Variants in WDR59 observed in about 807,000 individuals in gnomAD.
The protein encoded by WDR59 is GATOR2 complex protein WDR59.
A neutral mutation model predicts 131.2 loss-of-function variants in WDR59; 100 were observed. The observed-to-expected ratio is 0.76, with a 90% CI of 0.65 to 0.90. The LOEUF (loss-of-function observed/expected upper bound fraction) is 0.90. WDR59 is among the 40% of genes least tolerant of loss of function. WDR59 has a pLI of 0.00. For missense variants in WDR59, 1,203 were observed against 1,262.2 expected (o/e 0.95, Z 0.71); for synonymous variants, 601 against 466.2 (o/e 1.29, Z -3.72).
chr16:74,888,561 T>C (rs1964886831), intron 21 of WDR59, among the ~76,000 whole-genome samples: 1 of 152,226 alleles, frequency 6.6e-6, no homozygotes, highest in Admixed American at 6.5e-5. Flanking sequence ...AGAACGCATC[T>C]CAAAGCCTCT....
intron 18 of WDR59, among the ~76,000 whole-genome samples, chr16:74,901,437 T>C (rs1965544721): frequency 6.7e-6 from 1 of 150,110 alleles, no homozygotes. Flanking sequence ...CACAGAGAAA[T>C]CCAGCCTGGG....
chr16:74,904,638 C>T (rs1362176466), intron 17 of WDR59, among the ~76,000 whole-genome samples: 3 of 108,552 alleles, frequency 2.8e-5, no homozygotes, highest in African/African-American at 5.0e-5. Context: ...AATCAAAATA[C>T]AAGCAGGCTT....
At chr16:74,971,784 C>T (rs986067459) in intron 1 of WDR59, among the ~76,000 whole-genome samples, 19 of 152,178 alleles carry the variant, frequency 1.2e-4, no homozygotes, top group Admixed American at 1.3e-4. Context: ...GTGGTACTCA[C>T]TGTAACCCCA....
intron 20 of WDR59, 138 bp downstream of exon 20, chr16:74,892,346 A>G: frequency 1.3e-6 from 1 of 792,760 alleles, no homozygotes; most frequent in Non-Finnish European, 2.0e-6. Context: ...CTAACCCTAC[A>G]GACTGGCAAA....
intron 6 of WDR59, among the ~76,000 whole-genome samples, chr16:74,946,136 G>A (rs539191038): frequency 2.1e-3 from 312 of 152,132 alleles, no homozygotes; most frequent in Non-Finnish European, 3.3e-3. Flanking sequence ...CCTTTATTGC[G>A]GTACAGTGTT....
At chr16:74,895,051 C>T (rs1965227858) in intron 18 of WDR59, among the ~76,000 whole-genome samples, 1 of 152,042 alleles carries the variant, frequency 6.6e-6, no homozygotes, top group African/African-American at 2.4e-5. Flanking sequence ...GGTTTCTGAC[C>T]ACTGATATCC....
At chr16:74,978,043 C>CA (rs1360128208) in intron 1 of WDR59, among the ~76,000 whole-genome samples, 3 of 151,760 alleles carry the variant, frequency 2.0e-5, no homozygotes, top group African/African-American at 7.3e-5. Flanking sequence ...ATTCCACCCC[C>CA]ACAAAAAATT....
At chr16:74,981,108 G>C (rs954446501) in intron 1 of WDR59, among the ~76,000 whole-genome samples, 2 of 151,682 alleles carry the variant, frequency 1.3e-5, no homozygotes, top group Non-Finnish European at 2.9e-5. Context: ...GCTCACGCCT[G>C]TAATCCCAGC....
intron 1 of WDR59, chr16:74,984,566 C>T: frequency 3.9e-6 from 1 of 254,942 alleles, no homozygotes; most frequent in South Asian, 5.9e-5. Context: ...AGGGTTACGT[C>T]CACGCAGCTG....
intron 1 of WDR59, among the ~76,000 whole-genome samples, chr16:74,976,683 C>T (rs9932503): frequency 0.03 from 4,638 of 152,230 alleles, 150 homozygotes; most frequent in East Asian, 0.16. Context: ...CCTTGTGATC[C>T]GCCCACCTTG....
chr16:74,909,580 C>A lies in WDR59; in HGVS notation c.1563G>T (p.Arg521=), dbSNP rs1219827480. The A allele has an allele frequency of 6.2e-7, 1 of 1,610,692 alleles. No individual in the cohort carries two copies. Among genetic ancestry groups the A allele is most frequent in the East Asian group, 2.2e-5 (1 of 44,788 alleles). ...GGTACGACCCGTAAGCCGTGGTCAC[C>A]CGCGCAAACGTCGGTAAGGGGGGAG... ...SVTPPLPTFA[R]VTTAYGSYQD... Residue 521 remains arginine, a synonymous_variant, in exon 16 of 26, where the codon CGG becomes CGT. Coordinates refer to ENST00000262144, the MANE Select transcript of WDR59 (RefSeq NM_030581.4).
chr16:74,930,830 T>C (rs902404181), intron 8 of WDR59: 7 of 134,328 alleles, frequency 5.2e-5, no homozygotes, highest in African/African-American at 1.9e-4. Context: ...GAGGAGGAGG[T>C]TGCAGTGAGC....
At chr16:74,974,333 G>A (rs2145229018) in intron 1 of WDR59, among the ~76,000 whole-genome samples, 1 of 152,272 alleles carries the variant, frequency 6.6e-6, no homozygotes, top group Non-Finnish European at 1.5e-5. Context: ...AGAGGAGAGG[G>A]CTATTTTGTC....
chr16:74,942,883 C>T (rs2032341199), intron 6 of WDR59, 57 bp from the exon 7 acceptor site: 2 of 1,509,636 alleles, frequency 1.3e-6, no homozygotes, highest in Admixed American at 1.8e-5. Context: ...GGAAGCAGAG[C>T]AGAGCACAGC....
rs1965091682 is a variant in WDR59 at position 74,892,511 on chromosome 16, C to T, written c.2055G>A (p.Leu685=). ...ETCQKNAASA[L]LVGRKDLVQV... is the part of the protein sequence containing the mutation. Reference sequence around the variant, plus strand: ...GGACAAGATCCTTTCTTCCAACGAGCAAGGCAGAGGCGGCATTCTTCTGAC... The same window carrying T: ...GGACAAGATCCTTTCTTCCAACGAGTAAGGCAGAGGCGGCATTCTTCTGAC... The change falls in exon 20 of 26, where the codon TTG becomes TTA. Residue 685 remains leucine (L), a synonymous_variant. Coordinates refer to ENST00000262144, the MANE Select transcript of WDR59 (RefSeq NM_030581.4). 1 of 1,613,692 alleles carries T rather than the reference C, an allele frequency of 6.2e-7. No homozygotes were observed. The highest frequency in any genetic ancestry group is 1.7e-5 in the Admixed American group (1 of 60,004).
intron 20 of WDR59, among the ~76,000 whole-genome samples, chr16:74,890,296 A>G (rs887644332): frequency 6.6e-6 from 1 of 152,104 alleles, no homozygotes; most frequent in African/African-American, 2.4e-5. Flanking sequence ...GATCACAGGC[A>G]TGTGCCACCA....
chr16:74,919,989 C>T (rs1388680723), intron 10 of WDR59, among the ~76,000 whole-genome samples: 3 of 151,444 alleles, frequency 2.0e-5, no homozygotes, highest in Admixed American at 6.6e-5. Context: ...AAGCACTGCT[C>T]GAGCCCAGGA....
At chr16:74,963,014 G>A (rs2033621942) in intron 2 of WDR59, 1 of 152,194 alleles carries the variant, frequency 6.6e-6, no homozygotes, top group South Asian at 2.1e-4. Flanking sequence ...CTAGCACTTT[G>A]GGAGGCCGAG....
intron 2 of WDR59, among the ~76,000 whole-genome samples, chr16:74,961,584 A>G (rs12597908): frequency 0.099 from 14,989 of 152,076 alleles, 884 homozygotes; most frequent in Admixed American, 0.14. Context: ...GGCTGCATAA[A>G]TGTCTTCTTT....
Sources: gnomAD v4.1 joint callset for allele counts (sites outside exome capture counted in the v4.1 genomes callset) on GRCh38, gnomAD v4.1.1 for gene constraint, MANE v1.5 for transcripts, NCBI Gene and HGNC (gene_info 2026-07-23, HGNC 2026-07-21) for gene names.